Variants in GCN1 observed in about 807,000 individuals in gnomAD.
GCN1 encodes the protein GCN1 activator of EIF2AK4, also known as stalled ribosome sensor GCN1.
A neutral mutation model predicts 288.4 loss-of-function variants in GCN1; 90 were observed. That is an observed-to-expected ratio of 0.31 (90% CI 0.26 to 0.37). The LOEUF (loss-of-function observed/expected upper bound fraction) is 0.37, where lower values mean the gene tolerates loss of function less well. Ranked by LOEUF, GCN1 falls within the 10% of genes least tolerant of loss-of-function variation. GCN1 has a pLI of 1.00. For missense variants in GCN1, 2,586 were observed against 3,419.9 expected (o/e 0.76, Z 6.08); for synonymous variants, 1,386 against 1,420.2 (o/e 0.98, Z 0.54).
chr12:120,138,907 G>A lies in GCN1; in HGVS notation c.5995-51C>T, dbSNP rs746384755. The A allele has an allele frequency of 2.0e-6, 3 of 1,526,128 alleles. No homozygotes were observed. The African/African-American group carries it at 4.1e-5, about 21-fold the overall frequency. The allele number at this position is 1,526,128 out of a possible 1,614,324, so 94.5% of individuals were successfully genotyped here. On this transcript the variant is annotated intron_variant, in intron 45 of 57. Transcript: ENST00000300648. Reference sequence around the variant, plus strand: ...CAGATGCAGGAAAGGCAAAGAAGGAGCAGAAGCAGACAAGAAGCACAGGCA... The same window carrying A: ...CAGATGCAGGAAAGGCAAAGAAGGAACAGAAGCAGACAAGAAGCACAGGCA...
rs1388709287 is a variant in GCN1, at chr12:120,155,654, A to AAGGTTC, written c.3372_3377dup (p.Asn1125_Leu1126dup). 1 of 1,613,912 alleles carries AAGGTTC rather than the reference A, an allele frequency of 6.2e-7. No individual in the cohort carries two copies. Among genetic ancestry groups the AAGGTTC allele is most frequent in the African/African-American group, 1.3e-5 (1 of 74,916 alleles). ...ACTTGACCACCCAGAGTCTCCGCAG[A>AAGGTTC]AGGTTCAGGCCATTCTTCTCATCAG... On this transcript the variant is annotated inframe_insertion, in exon 29 of 58. Transcript: ENST00000300648. This position sits in a 1 kb window ranked among gnomAD's most constrained non-coding sequence, Gnocchi z 4.9.
chr12:120,171,001 TGG>T (rs1878296819), intron 14 of GCN1, among the ~76,000 whole-genome samples: 1 of 149,080 alleles, frequency 6.7e-6, no homozygotes. Flanking sequence ...CTTAGCCGGG[TGG>T]GGTGGTGCAC....
chr12:120,192,908 T>G (rs1469045877), intron 1 of GCN1, among the ~76,000 whole-genome samples: 1 of 150,998 alleles, frequency 6.6e-6, no homozygotes, highest in Non-Finnish European at 1.5e-5. Context: ...TGGTGGCGCA[T>G]GCCTGTAATC....
intron 15 of GCN1, among the ~76,000 whole-genome samples, chr12:120,169,426 T>C (rs890155632): frequency 6.7e-5 from 10 of 149,320 alleles, no homozygotes; most frequent in African/African-American, 2.4e-4. Flanking sequence ...TTATATATTA[T>C]AAGTAATATG....
rs1225784605 is a variant in GCN1, at chr12:120,174,191, C to A, written c.1094-22G>T. The A allele has an allele frequency of 2.9e-6, 4 of 1,359,168 alleles. No homozygotes were observed. The African/African-American group carries it at 4.3e-5, about 15-fold the overall frequency. The allele number at this position is 1,359,168 out of a possible 1,614,324, so 84.2% of individuals were successfully genotyped here. A position where few individuals can be genotyped will look rare whatever the true frequency, so the allele number is the denominator to read the frequency against. On this transcript the variant is annotated intron_variant, in intron 12 of 57. Transcript: ENST00000300648. ...ATCCCTAAAAGGCAGATTCCCTGTTCAGTCTCTTATCAGCACAGAACCACA... is the reference window on the plus strand; with the variant it reads ...ATCCCTAAAAGGCAGATTCCCTGTTAAGTCTCTTATCAGCACAGAACCACA...
Position 120,179,018 on chromosome 12 carries a change from C to A in GCN1, c.427-68G>T, listed in dbSNP as rs1878567761. 1.0e-5 allele frequency: 13 copies of A among 1,261,042 alleles called. No homozygotes were observed. The East Asian group carries it at 3.0e-4, about 29-fold the overall frequency. The allele number at this position is 1,261,042 out of a possible 1,614,324, so 78.1% of individuals were successfully genotyped here. A position where few individuals can be genotyped will look rare whatever the true frequency, so the allele number is the denominator to read the frequency against. On this transcript the variant is annotated intron_variant, in intron 5 of 57. Coordinates refer to ENST00000300648, the MANE Select transcript of GCN1 (RefSeq NM_006836.2). ...ACTGAGGGTCCCATGGCTCTCATAG[C>A]CTGTAAAGACCTCCATCAGACCCTC...
At chr12:120,170,692 GAT>G (rs1302307280) in intron 14 of GCN1, among the ~76,000 whole-genome samples, 1 of 152,018 alleles carries the variant, frequency 6.6e-6, no homozygotes, top group Non-Finnish European at 1.5e-5. Flanking sequence ...TCAATTGATG[GAT>G]AAGCAGAGAC....
chr12:120,130,944 G>T (rs914956186), intron 55 of GCN1, among the ~76,000 whole-genome samples, 191 bp from the exon 56 acceptor site: 1 of 152,144 alleles, frequency 6.6e-6, no homozygotes, highest in Non-Finnish European at 1.5e-5. Context: ...CCAGGAACAG[G>T]GATCCAAGAC....
chr12:120,137,097 C>T lies in GCN1; in HGVS notation c.6777+109G>A, dbSNP rs573224650. On this transcript the variant is annotated intron_variant, in intron 50 of 57. Coordinates refer to ENST00000300648, the MANE Select transcript of GCN1 (RefSeq NM_006836.2). The surrounding 1 kb of genome is among the most constrained non-coding windows in gnomAD (Gnocchi z 5.2). ...TGCGAAGGTGCTGAACACCAACCAC[C>T]ACGGCTACTGCTCCAGCAGCCCCTA... 3.9e-6 allele frequency: 3 copies of T among 779,082 alleles called. No individual in the cohort carries two copies. The highest frequency in any genetic ancestry group is 1.5e-5 in the South Asian group (1 of 67,198). The allele number at this position is 779,082 out of a possible 1,614,324, so 48.3% of individuals were successfully genotyped here. A position where few individuals can be genotyped will look rare whatever the true frequency, so the allele number is the denominator to read the frequency against.
chr12:120,176,333 T>G, intron 9 of GCN1, 116 bp from the exon 10 acceptor site: 1 of 698,980 alleles, frequency 1.4e-6, no homozygotes, highest in Non-Finnish European at 2.6e-6. Context: ...CCTTCATCTC[T>G]ACAGGCTACA....
rs1225931204 is a variant in GCN1, at chr12:120,158,829, G to A, written c.2750-214C>T. 2.0e-5 allele frequency among the ~76,000 whole-genome samples: 3 copies of A among 151,964 alleles called. No individual in the cohort carries two copies. The highest frequency in any genetic ancestry group is 1.9e-4 in the East Asian group (1 of 5,174). On this transcript the variant is annotated intron_variant, in intron 24 of 57. Transcript: ENST00000300648. The surrounding 1 kb of genome is among the most constrained non-coding windows in gnomAD (Gnocchi z 4.3). ...AGATTGAGACCATCCTGGCTAACAC[G>A]GTGAAACCCCATCTCTACTAAAAAT...
Position 120,158,648 on chromosome 12 carries a change from G to A in GCN1, c.2750-33C>T, listed in dbSNP as rs1877829618. ...GAAGAGGAGAGACCCAGCAGGAGATGACACACAGAGATGTGGAATCCAGCC... is the reference window on the plus strand; with the variant it reads ...GAAGAGGAGAGACCCAGCAGGAGATAACACACAGAGATGTGGAATCCAGCC... On this transcript the variant is annotated intron_variant, in intron 24 of 57. Transcript: ENST00000300648. This position sits in a 1 kb window ranked among gnomAD's most constrained non-coding sequence, Gnocchi z 4.3. The A allele has an allele frequency of 3.8e-6, 6 of 1,560,212 alleles. No homozygotes were observed. Among genetic ancestry groups the A allele is most frequent in the Non-Finnish European group, 5.2e-6 (6 of 1,148,916 alleles).
Position 120,156,853 on chromosome 12 carries a change from G to T in GCN1, c.3168+59C>A. The T allele has an allele frequency of 8.4e-7, 1 of 1,196,746 alleles. No individual in the cohort carries two copies. The highest frequency in any genetic ancestry group is 1.2e-5 in the South Asian group (1 of 82,682). The allele number at this position is 1,196,746 out of a possible 1,614,324, so 74.1% of individuals were successfully genotyped here. Reference sequence around the variant, plus strand: ...ACTAGGACTCCACCCTTTACACTGGGACTTGAGGTCTGGGTCACGAACTGA... The same window carrying T: ...ACTAGGACTCCACCCTTTACACTGGTACTTGAGGTCTGGGTCACGAACTGA... On this transcript the variant is annotated intron_variant, in intron 27 of 57. Transcript: ENST00000300648. The surrounding 1 kb of genome is among the most constrained non-coding windows in gnomAD (Gnocchi z 5.8).
intron 9 of GCN1, 33 bp from the exon 10 acceptor site, chr12:120,176,250 T>TG: frequency 7.2e-7 from 1 of 1,392,248 alleles, no homozygotes; most frequent in Non-Finnish European, 1.0e-6. Context: ...ACCATGTCAG[T>TG]CTAAGCAATA....
intron 5 of GCN1, 152 bp from the exon 6 acceptor site, chr12:120,179,102 C>G: frequency 1.6e-6 from 1 of 643,658 alleles, no homozygotes; most frequent in Non-Finnish European, 2.8e-6. Context: ...AGCTCCTCTT[C>G]CCTCCACCCC....
chr12:120,137,280 GCT>G lies in GCN1; in HGVS notation c.6701_6702del (p.Glu2234AlafsTer44). On this transcript the variant is annotated frameshift_variant, in exon 50 of 58. Coordinates refer to ENST00000300648, the MANE Select transcript of GCN1 (RefSeq NM_006836.2). LOFTEE classifies it high-confidence loss of function. This position sits in a 1 kb window ranked among gnomAD's most constrained non-coding sequence, Gnocchi z 5.2. ...CCTATGAGCCGGATTTCCTTGTGCAGCTCTTCAATGAGTGCCAACTGGTTGCC... is the reference window on the plus strand; with the variant it reads ...CCTATGAGCCGGATTTCCTTGTGCAGCTTCAATGAGTGCCAACTGGTTGCC... ...DAGNQLALIE[E>X]LHKEIRLIGN... 6.2e-7 allele frequency: 1 copy of G among 1,614,116 alleles called. No individual in the cohort carries two copies. Among genetic ancestry groups the G allele is most frequent in the Non-Finnish European group, 8.5e-7 (1 of 1,180,000 alleles).
rs76138581 is a variant in GCN1 at position 120,185,395 on chromosome 12, T to G, written c.122-508A>C. 4.3e-3 allele frequency among the ~76,000 whole-genome samples: 648 copies of G among 152,346 alleles called. 4 individuals are homozygous for G. Among genetic ancestry groups the G allele is most frequent in the African/African-American group, 0.015 (627 of 41,578 alleles). On this transcript the variant is annotated intron_variant, in intron 2 of 57. Transcript: ENST00000300648. ...ACATAAGCTTGGCCTATCAGATTAGTAGGCTCTGGAAAAATGGAAAGAGAG... is the reference window on the plus strand; with the variant it reads ...ACATAAGCTTGGCCTATCAGATTAGGAGGCTCTGGAAAAATGGAAAGAGAG...
chr12:120,138,270 G>A (rs1877077624), intron 47 of GCN1, 53 bp downstream of exon 47: 2 of 1,197,392 alleles, frequency 1.7e-6, no homozygotes, highest in East Asian at 2.3e-5. Context: ...TGCAGGCCCT[G>A]GAAATGTCAA....
chr12:120,134,606 T>C lies in GCN1; in HGVS notation c.7129A>G (p.Ile2377Val), dbSNP rs772250793. ...AAGAGGGGGTCCACCTTAATGTGGATGGAAATGAGCTTCCCCAGAGCATCT... is the reference window on the plus strand; with the variant it reads ...AAGAGGGGGTCCACCTTAATGTGGACGGAAATGAGCTTCCCCAGAGCATCT... ...AADALGKLIS[I>V]HIKVDPLFTE... Residue 2377 changes from isoleucine (I) to valine (V), a missense_variant, in exon 52 of 58, where the codon ATC becomes GTC. Physicochemically the swap from Ile to Val is conservative, Grantham distance 29. Around this residue, in one of 8 missense-constraint regions of GCN1, gnomAD observed 355 missense variants for 431.1 expected, o/e 0.82. Transcript: ENST00000300648. The surrounding 1 kb of genome is among the most constrained non-coding windows in gnomAD (Gnocchi z 5.0). 6.2e-7 allele frequency: 1 copy of C among 1,613,956 alleles called. No homozygotes were observed. The highest frequency in any genetic ancestry group is 8.5e-7 in the Non-Finnish European group (1 of 1,179,976).
Sources: gnomAD v4.1 joint callset for allele counts (sites outside exome capture counted in the v4.1 genomes callset) on GRCh38, gnomAD v4.1.1 for gene constraint, gnomAD v4.1.1 regional missense constraint, Gnocchi (gnomAD v3.1) non-coding constraint, MANE v1.5 for transcripts, NCBI Gene and HGNC (gene_info 2026-07-23, HGNC 2026-07-21) for gene names.